EYS: variants seen among roughly 807,000 people sequenced by gnomAD.
EYS encodes EGF-like photoreceptor maintenance factor.
EYS carries 250 observed loss-of-function variants against 282.1 expected under a neutral mutation model. That is an observed-to-expected ratio of 0.89 (90% CI 0.80 to 0.98). The LOEUF is 0.98. Among genes scored for constraint, EYS ranks in the 50% least tolerant of loss-of-function variants. The pLI is 0.00. For synonymous variants in EYS, 1,355 were observed against 1,282.9 expected (o/e 1.06, Z -1.20); for missense variants, 4,016 against 3,709.0 (o/e 1.08, Z -2.15).
chr6:64,604,400 C>T lies in EYS; in HGVS notation c.3685-11091G>A, dbSNP rs148592908. 4.5e-3 allele frequency among the ~76,000 whole-genome samples: 690 copies of T among 151,964 alleles called. 3 individuals carry two copies. The highest frequency in any genetic ancestry group is 0.016 in the African/African-American group (653 of 41,488). On this transcript the variant is annotated intron_variant, in intron 24 of 42. Coordinates refer to ENST00000503581, the MANE Select transcript of EYS (RefSeq NM_001142800.2). ...TTAAAGAGGAGAATAAAATCAAAGA[C>T]CATGAATAAAACTATGGGTCCATAA...
At chr6:64,023,740 C>G (rs1326590249) in intron 33 of EYS, among the ~76,000 whole-genome samples, 3 of 152,238 alleles carry the variant, frequency 2.0e-5, no homozygotes, top group African/African-American at 7.2e-5. Flanking sequence ...AGGCCAAGGC[C>G]AGAGCCGGCT....
At chr6:64,171,316 G>T (rs996498640) in intron 31 of EYS, among the ~76,000 whole-genome samples, 8 of 152,064 alleles carry the variant, frequency 5.3e-5, no homozygotes, top group Non-Finnish European at 1.0e-4. Context: ...GGATCTGTGG[G>T]CCCTTAAAAC....
chr6:65,119,930 G>A (rs987193867), intron 12 of EYS, among the ~76,000 whole-genome samples: 2 of 151,266 alleles, frequency 1.3e-5, no homozygotes, highest in Admixed American at 6.6e-5. Context: ...GAGGTCAGGA[G>A]ATCGAGACCA....
chr6:64,220,717 C>A (rs896523473), intron 31 of EYS, among the ~76,000 whole-genome samples: 1 of 152,130 alleles, frequency 6.6e-6, no homozygotes, highest in East Asian at 1.9e-4. Flanking sequence ...AACATCTTTG[C>A]ATGCTCATTC....
chr6:63,962,904 A>G (rs1766137355), intron 35 of EYS, among the ~76,000 whole-genome samples: 1 of 152,172 alleles, frequency 6.6e-6, no homozygotes, highest in African/African-American at 2.4e-5. Context: ...TGTGGCACAT[A>G]TACACCATGG....
chr6:64,605,744 C>A (rs764479601), intron 24 of EYS, among the ~76,000 whole-genome samples: 5 of 151,808 alleles, frequency 3.3e-5, no homozygotes. Context: ...TTTGATCTTT[C>A]CTACTATTTT....
At chr6:63,780,983 C>G (rs1278033622) in intron 39 of EYS, among the ~76,000 whole-genome samples, 2 of 152,202 alleles carry the variant, frequency 1.3e-5, no homozygotes, top group Non-Finnish European at 1.5e-5. Context: ...CCAGTTTTCC[C>G]AGAACCATTT....
At chr6:63,905,713 A>G (rs321504) in intron 35 of EYS, among the ~76,000 whole-genome samples, 76,627 of 152,098 alleles carry the variant, frequency 0.5, 20,960 homozygotes, top group Non-Finnish European at 0.61. Flanking sequence ...TATTGTGTTA[A>G]ATTCTCTAAC....
chr6:64,324,466 C>T (rs112663329), intron 29 of EYS, among the ~76,000 whole-genome samples: 1,572 of 152,186 alleles, frequency 0.01, 30 homozygotes, highest in African/African-American at 0.036. Flanking sequence ...ACGAACTAGG[C>T]ATTGAAGAAA....
chr6:64,072,770 ATAT>A (rs1771636648), intron 32 of EYS, among the ~76,000 whole-genome samples: 1 of 151,828 alleles, frequency 6.6e-6, no homozygotes, highest in South Asian at 2.1e-4. Context: ...CTATTTCTTA[ATAT>A]TTTTCATAAA....
intron 1 of EYS, among the ~76,000 whole-genome samples, chr6:65,704,219 A>C (rs1173757092): frequency 6.6e-6 from 1 of 152,214 alleles, no homozygotes; most frequent in Non-Finnish European, 1.5e-5. Context: ...CAGCTCACAA[A>C]TACAGTGCAT....
chr6:64,625,496 G>T (rs563650786), intron 23 of EYS, among the ~76,000 whole-genome samples: 1 of 152,184 alleles, frequency 6.6e-6, no homozygotes, highest in African/African-American at 2.4e-5. Flanking sequence ...CCTTCTGGCT[G>T]TGTCCTCACA....
At chr6:65,217,499 T>C (rs148608531) in intron 12 of EYS, among the ~76,000 whole-genome samples, 387 of 152,164 alleles carry the variant, frequency 2.5e-3, no homozygotes, top group African/African-American at 8.6e-3. Flanking sequence ...TCAAACACTC[T>C]TCTAGTTGCT....
intron 30 of EYS, among the ~76,000 whole-genome samples, chr6:64,237,658 A>AG (rs1358001324): frequency 6.6e-6 from 1 of 152,180 alleles, no homozygotes; most frequent in African/African-American, 2.4e-5. Context: ...CATCTAATAA[A>AG]GCTTTAAACA....
At chr6:64,673,518 G>T (rs975073769) in intron 22 of EYS, among the ~76,000 whole-genome samples, 1 of 152,076 alleles carries the variant, frequency 6.6e-6, no homozygotes, top group Non-Finnish European at 1.5e-5. Flanking sequence ...AACAGCCACA[G>T]AACTTTTAAA....
chr6:64,900,639 A>G (rs1250369229), intron 18 of EYS, among the ~76,000 whole-genome samples: 1 of 152,236 alleles, frequency 6.6e-6, no homozygotes, highest in Non-Finnish European at 1.5e-5. Flanking sequence ...AAAGCTCATC[A>G]TCACTGGTCA....
At chr6:65,295,742 G>C in intron 12 of EYS, 121 bp downstream of exon 12, 1 of 910,296 alleles carries the variant, frequency 1.1e-6, no homozygotes, top group South Asian at 1.7e-5. Flanking sequence ...TGCCAAATAA[G>C]AAATGAGACA....
At chr6:64,822,478 A>C (rs1474552564) in intron 20 of EYS, among the ~76,000 whole-genome samples, 173 bp downstream of exon 20, 1 of 152,028 alleles carries the variant, frequency 6.6e-6, no homozygotes, top group Non-Finnish European at 1.5e-5. Context: ...ATAATGTATC[A>C]GTACATTGCA....
At chr6:64,757,933 C>T (rs1773010001) in intron 22 of EYS, among the ~76,000 whole-genome samples, 1 of 152,030 alleles carries the variant, frequency 6.6e-6, no homozygotes, top group African/African-American at 2.4e-5. Flanking sequence ...TACAGGCGCC[C>T]GCCTAAGTTT....
Sources: gnomAD v4.1 joint callset for allele counts (sites outside exome capture counted in the v4.1 genomes callset) on GRCh38, gnomAD v4.1.1 for gene constraint, MANE v1.5 for transcripts, NCBI Gene and HGNC (gene_info 2026-07-23, HGNC 2026-07-21) for gene names.